The following C8A variants were observed in gnomAD, a reference collection of about 807,000 sequenced individuals.
The protein encoded by C8A is complement component C8 alpha chain.
A neutral mutation model predicts 65.3 loss-of-function variants in C8A; 67 were observed. The ratio of observed to expected loss-of-function variants is 1.03; its 90% confidence interval spans 0.84 to 1.26. C8A has a LOEUF of 1.26. Among genes scored for constraint, C8A ranks in the 50% most tolerant of loss-of-function variants. The probability of loss-of-function intolerance (pLI) is 0.00; values close to 1 mark genes in which losing one functional copy is unlikely to be tolerated. For missense variants in C8A, 781 were observed against 723.9 expected (o/e 1.08, Z -0.90); for synonymous variants, 290 against 259.4 (o/e 1.12, Z -1.13).
At chr1:56,856,010 C>T (rs952046381) in intron 1 of C8A, among the ~76,000 whole-genome samples, 3 of 151,994 alleles carry the variant, frequency 2.0e-5, no homozygotes, top group Non-Finnish European at 4.4e-5. Flanking sequence ...ATTATAAAAG[C>T]TTATCATTGT....
At chr1:56,913,672 C>T (rs1046222626) in intron 10 of C8A, among the ~76,000 whole-genome samples, 2 of 152,066 alleles carry the variant, frequency 1.3e-5, no homozygotes, top group African/African-American at 4.8e-5. Context: ...TTGTATGGTA[C>T]ATAAAATGAT....
chr1:56,917,043 CTCTGTG>C (rs1644558229), intron 10 of C8A, among the ~76,000 whole-genome samples: 1 of 150,346 alleles, frequency 6.7e-6, no homozygotes. Context: ...CCTCCATTGA[CTCTGTG>C]TCATTCTTCC....
intron 1 of C8A, among the ~76,000 whole-genome samples, chr1:56,857,187 C>A (rs903267488): frequency 3.3e-5 from 5 of 151,958 alleles, no homozygotes; most frequent in Non-Finnish European, 5.9e-5. Context: ...AAGTTTTCAT[C>A]TTGTTCTATT....
At chr1:56,874,256 C>G (rs1376546370) in intron 2 of C8A, among the ~76,000 whole-genome samples, 1 of 152,172 alleles carries the variant, frequency 6.6e-6, no homozygotes, top group Non-Finnish European at 1.5e-5. Context: ...ATTACAACAA[C>G]TAGGCAGATG....
At chr1:56,889,279 A>G (rs1205556853) in intron 7 of C8A, among the ~76,000 whole-genome samples, 3 of 152,192 alleles carry the variant, frequency 2.0e-5, no homozygotes, top group African/African-American at 4.8e-5. Flanking sequence ...GAGACCGCTA[A>G]TAAATCAGAA....
In C8A at chr1:56,912,372, G is replaced by A. The variant is rs372101605; in HGVS notation, c.1381-31G>A. On this transcript the variant is annotated intron_variant, in intron 9 of 10. Coordinates refer to ENST00000361249, the MANE Select transcript of C8A (RefSeq NM_000562.3). ...TCTGGGAAGGTAGATAGAGCCCAGG[G>A]AGGGGCCCTGTGTTCTTTCTGTGCC... The A allele has an allele frequency of 8.1e-6, 13 of 1,605,068 alleles. No individual in the cohort carries two copies. The African/African-American group carries it at 1.2e-4, about 15-fold the overall frequency.
At chr1:56,907,872 T>A (rs1354910303) in intron 8 of C8A, 84 bp from the exon 9 acceptor site, 1 of 1,493,646 alleles carries the variant, frequency 6.7e-7, no homozygotes, top group African/African-American at 1.4e-5. Flanking sequence ...TAAACTTTCT[T>A]CCAAATCTCA....
chr1:56,902,974 T>G (rs1644437540), intron 7 of C8A, among the ~76,000 whole-genome samples: 1 of 152,176 alleles, frequency 6.6e-6, no homozygotes, highest in African/African-American at 2.4e-5. Context: ...AATTATAATT[T>G]GTACCCTGGT....
Position 56,867,633 on chromosome 1 carries a change from C to T in C8A, c.102C>T (p.Pro34=), listed in dbSNP as rs142045980. 21 of 1,613,632 alleles carry T rather than the reference C, an allele frequency of 1.3e-5. No individual in the cohort carries two copies. The highest frequency in any genetic ancestry group is 5.0e-5 in the Admixed American group (3 of 59,932). Residue 34 remains proline, a synonymous_variant, in exon 2 of 11, where the codon CCC becomes CCT. Transcript: ENST00000361249. ...GGAGAGTAAGACGGGCAGCTACACCCGCAGCAGTTACCTGCCAGCTGAGCA... is the reference window on the plus strand; with the variant it reads ...GGAGAGTAAGACGGGCAGCTACACCTGCAGCAGTTACCTGCCAGCTGAGCA... ...VNQRVRRAAT[P]AAVTCQLSNW...
chr1:56,855,639 T>A, intron 1 of C8A, among the ~76,000 whole-genome samples: 1 of 145,512 alleles, frequency 6.9e-6, no homozygotes, highest in South Asian at 2.1e-4. Flanking sequence ...TTCATGGGTT[T>A]TTTTTTTTTG....
intron 9 of C8A, 41 bp downstream of exon 9, chr1:56,908,154 G>A (rs1229182131): frequency 6.3e-7 from 1 of 1,588,402 alleles, no homozygotes; most frequent in Non-Finnish European, 8.6e-7. Context: ...CGTCCATGAG[G>A]AATGAAAGTG....
chr1:56,918,127 C>A lies in C8A; in HGVS notation c.*411C>A, dbSNP rs994181742. On this transcript the variant is annotated 3_prime_UTR_variant, in exon 11 of 11. Transcript: ENST00000361249. ...GAAAATTCTCTTAGTTCTTTGATAA[C>A]AATTTGTTCACTCATAGAAACATTA... The A allele has an allele frequency of 1.1e-5, 2 of 188,518 alleles. No individual in the cohort carries two copies. The highest frequency in any genetic ancestry group is 4.8e-5 in the African/African-American group (2 of 42,040). 11.7% of individuals were successfully genotyped at this position (188,518 alleles called of 1,614,324 possible). A position where few individuals can be genotyped will look rare whatever the true frequency, so the allele number is the denominator to read the frequency against.
intron 7 of C8A, among the ~76,000 whole-genome samples, chr1:56,901,715 G>A (rs893496687): frequency 2.0e-5 from 3 of 152,024 alleles, no homozygotes; most frequent in African/African-American, 4.8e-5. Context: ...GAGGAAACAA[G>A]TCCTCTGCAG....
At chr1:56,862,756 T>C (rs1410690799) in intron 1 of C8A, among the ~76,000 whole-genome samples, 1 of 152,306 alleles carries the variant, frequency 6.6e-6, no homozygotes. Context: ...TTAAATGTCT[T>C]ACTGATTGAG....
chr1:56,869,415 G>A (rs567802584), intron 2 of C8A, among the ~76,000 whole-genome samples: 6 of 152,158 alleles, frequency 3.9e-5, no homozygotes, highest in South Asian at 2.1e-4. Flanking sequence ...TTATCCACTC[G>A]TTGGTTGATG....
intron 1 of C8A, among the ~76,000 whole-genome samples, chr1:56,863,513 A>G (rs1296262530): frequency 6.6e-6 from 1 of 152,176 alleles, no homozygotes; most frequent in Non-Finnish European, 1.5e-5. Flanking sequence ...CACATAATGC[A>G]GTCTCTATGG....
rs763708708 is a variant in C8A at position 56,855,017 on chromosome 1, G to T, written c.77+39G>T. The T allele has an allele frequency of 7.5e-6, 11 of 1,462,086 alleles. No individual in the cohort carries two copies. The South Asian group carries it at 1.3e-4, about 17-fold the overall frequency. 90.6% of individuals were successfully genotyped at this position (1,462,086 alleles called of 1,614,324 possible). A position where few individuals can be genotyped will look rare whatever the true frequency, so the allele number is the denominator to read the frequency against. On this transcript the variant is annotated intron_variant, in intron 1 of 10. Transcript: ENST00000361249. ...ATGTCTCTGCAAAACTTGCACGTAG[G>T]AATCACCTGCTGGGGAACTAAGACA...
At chr1:56,894,644 T>C (rs1242697708) in intron 7 of C8A, among the ~76,000 whole-genome samples, 2 of 152,184 alleles carry the variant, frequency 1.3e-5, no homozygotes, top group Non-Finnish European at 2.9e-5. Context: ...CCAAAGTTAA[T>C]GCCAATTATA....
intron 4 of C8A, among the ~76,000 whole-genome samples, chr1:56,879,937 T>C (rs751251561): frequency 5.3e-5 from 8 of 152,108 alleles, no homozygotes; most frequent in Non-Finnish European, 1.2e-4. Context: ...TAAACAATCA[T>C]GACGATCGCT....
Sources: allele counts gnomAD v4.1 joint callset (sites outside exome capture counted in the v4.1 genomes callset), GRCh38; gene constraint gnomAD v4.1.1; transcripts MANE v1.5; gene names NCBI Gene and HGNC (gene_info 2026-07-23, HGNC 2026-07-21).